TLK1: variants seen among roughly 807,000 people sequenced by gnomAD.
The protein encoded by TLK1 is tousled like kinase 1.
Under a neutral mutation model 105.3 loss-of-function variants are expected in TLK1, and 24 were observed. The observed-to-expected ratio is 0.23, with a 90% confidence interval of 0.17 to 0.32. TLK1 has a LOEUF of 0.32. TLK1 is among the 10% of genes least tolerant of loss of function. The pLI is 1.00. For synonymous variants in TLK1, 321 were observed against 310.4 expected (o/e 1.03, Z -0.36); for missense variants, 558 against 910.5 (o/e 0.61, Z 4.98).
chr2:171,025,550 C>T (rs1299817029), intron 12 of TLK1, among the ~76,000 whole-genome samples: 3 of 152,094 alleles, frequency 2.0e-5, no homozygotes, highest in Non-Finnish European at 4.4e-5. Context: ...GTGCAGGATA[C>T]AAGGGGCGTC....
rs926848747 is a variant in TLK1 at position 171,012,473 on chromosome 2, TTTTA to T, written c.1335-1023_1335-1020del. 1.4e-4 allele frequency among the ~76,000 whole-genome samples: 21 copies of T among 152,240 alleles called. No individual in the cohort carries two copies. In the South Asian group the frequency reaches 3.3e-3, roughly 24 times the overall value. ...GCTTTGCAATACTAATACACTGTAT[TTTTA>T]TTTATTTATTTATTTTTTTATTTTT... On this transcript the variant is annotated intron_variant, in intron 13 of 20. Transcript: ENST00000431350.
Position 171,028,369 on chromosome 2 carries a change from A to T in TLK1, c.1206T>A (p.Ile402=), listed in dbSNP as rs1685878861. ...TLAEYHEQEE[I]FKLRLGHLKK... Reference sequence around the variant, plus strand: ...TGAGATGTCCTAGTCTAAGTTTGAAAATTTCTTCCTGTTCATGATATTCTG... The same window carrying T: ...TGAGATGTCCTAGTCTAAGTTTGAATATTTCTTCCTGTTCATGATATTCTG... Residue 402 remains isoleucine (I), a synonymous_variant, in exon 12 of 21, where the codon ATT becomes ATA. Transcript: ENST00000431350. The T allele has an allele frequency of 6.2e-7, 1 of 1,610,966 alleles. No homozygotes were observed. The highest frequency in any genetic ancestry group is 1.1e-5 in the South Asian group (1 of 90,662).
intron 1 of TLK1, among the ~76,000 whole-genome samples, chr2:171,143,139 G>A (rs754676785): frequency 6.6e-6 from 1 of 152,248 alleles, no homozygotes; most frequent in African/African-American, 2.4e-5. Flanking sequence ...AAAGGGGTCA[G>A]TAGTGACAAA....
intron 1 of TLK1, among the ~76,000 whole-genome samples, chr2:171,223,481 CTTTTTTT>C (rs71013025): frequency 3.1e-5 from 4 of 127,008 alleles, no homozygotes; most frequent in Non-Finnish European, 6.3e-5. Context: ...GTATTTTGCA[CTTTTTTT>C]TTTTTTTTTT....
chr2:171,075,552 C>T (rs1688462029), intron 3 of TLK1, among the ~76,000 whole-genome samples: 1 of 152,072 alleles, frequency 6.6e-6, no homozygotes, highest in Non-Finnish European at 1.5e-5. Flanking sequence ...TATATGTCTG[C>T]TTTATAAACA....
intron 2 of TLK1, chr2:171,091,714 CTTTGTTGTT>C (rs1558937148): frequency 1.7e-5 from 2 of 120,526 alleles, no homozygotes; most frequent in African/African-American, 6.4e-5. Flanking sequence ...GGGGGGGTGT[CTTTGTTGTT>C]GTTGTTGTTG....
At position 171,160,820 on chromosome 2, in the gene TLK1, C is replaced by G. The variant is rs968100189; in HGVS notation, c.-392G>C. 4.8e-5 allele frequency: 17 copies of G among 353,626 alleles called. No individual in the cohort carries two copies. The highest frequency in any genetic ancestry group is 3.5e-4 in the East Asian group (8 of 23,008). The allele number at this position is 353,626 out of a possible 1,614,324, so 21.9% of individuals were successfully genotyped here. A position where few individuals can be genotyped will look rare whatever the true frequency, so the allele number is the denominator to read the frequency against. On this transcript the variant is annotated 5_prime_UTR_variant, in exon 1 of 21. Transcript: ENST00000431350. This position sits in a 1 kb window ranked among gnomAD's most constrained non-coding sequence, Gnocchi z 4.4. ...ACCTGCCGGCACCTCTGCAGTGCGT[C>G]GGCCCCCGGCGTCGCCCGGGAGGCG...
At chr2:171,151,580 T>A (rs1379516363) in intron 1 of TLK1, among the ~76,000 whole-genome samples, 5 of 148,528 alleles carry the variant, frequency 3.4e-5, no homozygotes. Flanking sequence ...GTTCACACCA[T>A]TCTCCCGCCT....
chr2:171,150,450 A>T (rs1016338006), intron 1 of TLK1, among the ~76,000 whole-genome samples: 1 of 152,184 alleles, frequency 6.6e-6, no homozygotes, highest in African/African-American at 2.4e-5. Flanking sequence ...AATTCATGTC[A>T]TCTCAAGGGG....
chr2:171,106,821 G>T (rs1689950722), intron 2 of TLK1, among the ~76,000 whole-genome samples: 1 of 152,168 alleles, frequency 6.6e-6, no homozygotes, highest in South Asian at 2.1e-4. Context: ...ACATTCTGTA[G>T]CTTCACCTAT....
upstream of TLK1, among the ~76,000 whole-genome samples, chr2:171,163,188 C>T (rs1692547681): frequency 6.6e-6 from 1 of 152,190 alleles, no homozygotes; most frequent in Admixed American, 6.5e-5. Context: ...TAGTATTACA[C>T]TGAATGAGTG....
At chr2:171,197,925 TTA>T (rs1245222083) in intron 1 of TLK1, among the ~76,000 whole-genome samples, 2 of 152,238 alleles carry the variant, frequency 1.3e-5, no homozygotes, top group Admixed American at 1.3e-4. Flanking sequence ...GCTAGTACCC[TTA>T]TATGATTCTT....
chr2:171,051,190 T>C (rs1440063862), intron 8 of TLK1, among the ~76,000 whole-genome samples: 1 of 152,120 alleles, frequency 6.6e-6, no homozygotes, highest in Non-Finnish European at 1.5e-5. Flanking sequence ...TCTCTAAGAC[T>C]GTGAAGGGCC....
At chr2:171,094,687 C>A (rs1575591875) in intron 2 of TLK1, among the ~76,000 whole-genome samples, 1 of 152,178 alleles carries the variant, frequency 6.6e-6, no homozygotes, top group Admixed American at 6.5e-5. Flanking sequence ...CGGCTCACTG[C>A]AACCTCCACC....
rs1684130828 is a variant in TLK1 at position 170,997,707 on chromosome 2, T to C, written c.2016+5A>G. 3 of 1,564,010 alleles carry C rather than the reference T, an allele frequency of 1.9e-6. No homozygotes were observed. Among genetic ancestry groups the C allele is most frequent in the South Asian group, 2.4e-5 (2 of 83,894 alleles). ...AGAGCTGAAGGCTGGTAGAATTCAA[T>C]TTACCTTTCTACCATAAAGACACTG... On this transcript the variant is annotated splice_donor_5th_base_variant and intron_variant, in intron 19 of 20. Coordinates refer to ENST00000431350, the MANE Select transcript of TLK1 (RefSeq NM_012290.5).
chr2:171,132,892 A>C (rs3770419), intron 1 of TLK1, among the ~76,000 whole-genome samples: 5,746 of 152,200 alleles, frequency 0.038, 443 homozygotes, highest in East Asian at 0.3. Context: ...ACTAAATCTA[A>C]ATCTCAACTC....
chr2:171,160,217 C>CGGGGGGGGCT lies in TLK1; in HGVS notation c.139+72_139+73insAGCCCCCCCC, dbSNP rs1450605031. The CGGGGGGGGCT allele has an allele frequency of 1.2e-6, 1 of 862,862 alleles. No homozygotes were observed. The highest frequency in any genetic ancestry group is 2.3e-5 in the African/African-American group (1 of 43,848). 53.5% of individuals were successfully genotyped at this position (862,862 alleles called of 1,614,324 possible). The stretch of plus-strand genomic sequence containing the variant: ...CGGAGAAGCCCCGGGGCGGGGGGGG[C>CGGGGGGGGCT]GGGGGGGGGGCGCGGGGGTCCGCGG... On this transcript the variant is annotated intron_variant, in intron 1 of 20. Transcript: ENST00000431350. This position sits in a 1 kb window ranked among gnomAD's most constrained non-coding sequence, Gnocchi z 4.4.
At position 171,217,460 on chromosome 2, in the gene TLK1, G is replaced by A. The variant is rs1442138989; in HGVS notation, c.-6+13685C>T. Among the ~76,000 whole-genome samples, 7 of 151,798 alleles carry A rather than the reference G, an allele frequency of 4.6e-5. No individual in the cohort carries two copies. In the East Asian group the frequency reaches 1.3e-3, roughly 29 times the overall value. Reference sequence around the variant, plus strand: ...TCCATTGATCTCTTTGTCAGTTTGGGAGTCGTATTTCACCTCTTTTCCATT... The same window carrying A: ...TCCATTGATCTCTTTGTCAGTTTGGAAGTCGTATTTCACCTCTTTTCCATT... On this transcript the variant is annotated intron_variant, in intron 1 of 20. Coordinates refer to the TLK1 transcript ENST00000521943.
chr2:171,006,691 T>C, intron 16 of TLK1, 48 bp from the exon 17 acceptor site: 1 of 1,605,174 alleles, frequency 6.2e-7, no homozygotes, highest in Non-Finnish European at 8.5e-7. Context: ...TATCCAAGAA[T>C]TCAGAATCAC....
Sources: gnomAD v4.1 joint callset for allele counts (sites outside exome capture counted in the v4.1 genomes callset) on GRCh38, gnomAD v4.1.1 for gene constraint, Gnocchi (gnomAD v3.1) non-coding constraint, MANE v1.5 for transcripts, NCBI Gene and HGNC (gene_info 2026-07-23, HGNC 2026-07-21) for gene names.